Variants in RHOBTB1 observed in about 807,000 individuals in gnomAD.
RHOBTB1 encodes the protein Rho related BTB domain containing 1.
RHOBTB1 carries 40 observed loss-of-function variants against 71.6 expected under a neutral mutation model. The ratio of observed to expected loss-of-function variants is 0.56; its 90% CI spans 0.43 to 0.73. The LOEUF is 0.73. Ranked by LOEUF, RHOBTB1 falls within the 30% of genes least tolerant of loss-of-function variation. The pLI is 0.00. For missense variants in RHOBTB1, 797 were observed against 894.0 expected, an observed-to-expected ratio of 0.89 and a Z score of 1.38; for synonymous variants, 319 against 334.9, an observed-to-expected ratio of 0.95 and a Z score of 0.52.
In RHOBTB1 at chr10:60,888,668, C is replaced by G. The variant is rs183981765; in HGVS notation, c.1000G>C (p.Glu334Gln). 1 of 1,614,212 alleles carries G rather than the reference C, an allele frequency of 6.2e-7. No individual in the cohort carries two copies. The highest frequency in any genetic ancestry group is 1.3e-5 in the African/African-American group (1 of 75,056). ...ILSVDPEEER[E>Q]EGPPRIPQAD... ...TGAGGAATCCTAGGCGGGCCCTCCT[C>G]CCTTTCTTCCTCTGGGTCGACACTC... The change falls in exon 6 of 11, where the codon GAG (glutamate) becomes CAG (glutamine). Residue 334 changes from glutamate (E) to glutamine (Q), a missense_variant. Glu to Gln is a conservative substitution (Grantham distance 29). Transcript: ENST00000337910.
Position 60,872,077 on chromosome 10 carries a change from CATCCATGA to C in RHOBTB1, c.1921+100_1921+107del, listed in dbSNP as rs556377938. The C allele has an allele frequency of 2.9e-3, 2,437 of 828,978 alleles. 15 individuals are homozygous for C. Among genetic ancestry groups the C allele is most frequent in the Middle Eastern group, 0.021 (61 of 2,926 alleles). The allele number at this position is 828,978 out of a possible 1,614,324, so 51.4% of individuals were successfully genotyped here. Reference sequence around the variant, plus strand: ...TGACCACCAGCCAGTCTCGAGGAATCATCCATGAGCTGCCTGCTGACCATGTTCCTTTC... The same window carrying C: ...TGACCACCAGCCAGTCTCGAGGAATCGCTGCCTGCTGACCATGTTCCTTTC... On this transcript the variant is annotated intron_variant, in intron 10 of 10. Transcript: ENST00000337910.
At chr10:60,991,319 T>C (rs2086856811) in intron 1 of RHOBTB1, among the ~76,000 whole-genome samples, 1 of 152,092 alleles carries the variant, frequency 6.6e-6, no homozygotes, top group Non-Finnish European at 1.5e-5. Flanking sequence ...GATAAAGGCA[T>C]ATTTCTTGAT....
chr10:60,968,584 G>A (rs1330933157), intron 2 of RHOBTB1, among the ~76,000 whole-genome samples: 1 of 152,102 alleles, frequency 6.6e-6, no homozygotes, highest in Non-Finnish European at 1.5e-5. Flanking sequence ...CAGGAGAGGT[G>A]TACACAAGCA....
At chr10:60,941,932 T>A (rs756799280) in intron 1 of RHOBTB1, 78 bp from the exon 2 acceptor site, 17 of 152,172 alleles carry the variant, frequency 1.1e-4, no homozygotes, top group Non-Finnish European at 2.4e-4. Context: ...ATTTTCAACA[T>A]ACGTTGTTTT....
intron 1 of RHOBTB1, among the ~76,000 whole-genome samples, chr10:60,991,856 C>T (rs2086882932): frequency 6.6e-6 from 1 of 152,138 alleles, no homozygotes; most frequent in Admixed American, 6.5e-5. Flanking sequence ...TTTTACAGAA[C>T]CTTCTAACTC....
chr10:60,945,242 G>T (rs149645985), upstream of RHOBTB1, among the ~76,000 whole-genome samples: 1 of 152,102 alleles, frequency 6.6e-6, no homozygotes, highest in Non-Finnish European at 1.5e-5. Flanking sequence ...GATCACTGGG[G>T]AATAAAGACA....
chr10:60,895,206 A>T (rs1260289755), intron 4 of RHOBTB1, among the ~76,000 whole-genome samples: 1 of 152,200 alleles, frequency 6.6e-6, no homozygotes, highest in Non-Finnish European at 1.5e-5. Flanking sequence ...TAAATATTTC[A>T]CCTCAAAATA....
chr10:60,970,922 A>T (rs1359324991), intron 2 of RHOBTB1, among the ~76,000 whole-genome samples: 3 of 152,076 alleles, frequency 2.0e-5, no homozygotes, highest in Non-Finnish European at 4.4e-5. Flanking sequence ...TATCAGAAAA[A>T]ATGTCCCAGA....
At chr10:60,873,883 A>T (rs542062164) in intron 9 of RHOBTB1, among the ~76,000 whole-genome samples, 3 of 152,386 alleles carry the variant, frequency 2.0e-5, no homozygotes, top group African/African-American at 7.2e-5. Flanking sequence ...GCCTTTGCCT[A>T]GGGCGGTGCC....
chr10:60,931,886 C>T (rs537157597), intron 2 of RHOBTB1, among the ~76,000 whole-genome samples: 1 of 152,150 alleles, frequency 6.6e-6, no homozygotes, highest in Admixed American at 6.5e-5. Flanking sequence ...CTACCTCAAA[C>T]AGAAGATGAA....
At chr10:60,986,150 T>G (rs1418164944) in intron 1 of RHOBTB1, among the ~76,000 whole-genome samples, 1 of 151,966 alleles carries the variant, frequency 6.6e-6, no homozygotes, top group African/African-American at 2.4e-5. Context: ...GGAGACAGAA[T>G]ATCTGGGGTC....
chr10:60,987,776 T>C (rs1270155517), intron 1 of RHOBTB1, among the ~76,000 whole-genome samples: 1 of 152,132 alleles, frequency 6.6e-6, no homozygotes, highest in Non-Finnish European at 1.5e-5. Context: ...CAATATGTTT[T>C]ACCACTTTCC....
intron 2 of RHOBTB1, among the ~76,000 whole-genome samples, chr10:60,969,876 T>C (rs1485269103): frequency 6.6e-6 from 1 of 152,138 alleles, no homozygotes; most frequent in African/African-American, 2.4e-5. Flanking sequence ...TAATGGAATA[T>C]AAGGCTTATA....
intron 2 of RHOBTB1, among the ~76,000 whole-genome samples, chr10:60,964,279 A>G (rs2085882868): frequency 6.6e-6 from 1 of 152,104 alleles, no homozygotes; most frequent in African/African-American, 2.4e-5. Context: ...GAGGCTGGAG[A>G]GAAGGTTGGC....
At chr10:60,872,432 T>G in intron 9 of RHOBTB1, 142 bp from the exon 10 acceptor site, 1 of 659,290 alleles carries the variant, frequency 1.5e-6, no homozygotes, top group Non-Finnish European at 2.7e-6. Flanking sequence ...GACCTCAATG[T>G]TTTGACTTTG....
At chr10:60,994,402 C>A (rs2086973464) in intron 1 of RHOBTB1, among the ~76,000 whole-genome samples, 1 of 152,122 alleles carries the variant, frequency 6.6e-6, no homozygotes, top group Non-Finnish European at 1.5e-5. Flanking sequence ...CTGGGCCAAG[C>A]ACCATCTGAG....
chr10:60,905,449 CAAAAAA>C (rs35538782), intron 4 of RHOBTB1, among the ~76,000 whole-genome samples: 14 of 48,974 alleles, frequency 2.9e-4, no homozygotes, highest in African/African-American at 2.4e-4. Context: ...GACTCTTTCT[CAAAAAA>C]AAAAAAAAAA....
At chr10:60,876,473 ACTAGTCTG>A (rs2081058190) in intron 8 of RHOBTB1, among the ~76,000 whole-genome samples, 1 of 152,228 alleles carries the variant, frequency 6.6e-6, no homozygotes, top group South Asian at 2.1e-4. Context: ...CAAAACTGGT[ACTAGTCTG>A]AGATTGATCA....
At chr10:60,954,972 T>C (rs960940864) in intron 2 of RHOBTB1, among the ~76,000 whole-genome samples, 1 of 151,796 alleles carries the variant, frequency 6.6e-6, no homozygotes, top group African/African-American at 2.4e-5. Flanking sequence ...TATGCATTTA[T>C]AAGAGGGAAA....
Sources: gnomAD v4.1 joint callset for allele counts (sites outside exome capture counted in the v4.1 genomes callset) on GRCh38, gnomAD v4.1.1 for gene constraint, MANE v1.5 for transcripts, NCBI Gene and HGNC (gene_info 2026-07-23, HGNC 2026-07-21) for gene names.